PELI1: variants seen among roughly 807,000 people sequenced by gnomAD.
PELI1 encodes the protein E3 ubiquitin-protein ligase pellino homolog 1.
Under a neutral mutation model 41.3 loss-of-function variants are expected in PELI1, and 15 were observed. The ratio of observed to expected loss-of-function variants is 0.36; its 90% CI spans 0.24 to 0.56. The LOEUF (loss-of-function observed/expected upper bound fraction) is 0.56. PELI1 is among the 20% of genes least tolerant of loss of function. The pLI is 0.82. For synonymous variants in PELI1, 178 were observed against 180.1 expected (o/e 0.99, Z 0.09); for missense variants, 403 against 525.5 (o/e 0.77, Z 2.28).
chr2:64,132,262 A>G (rs975392256), intron 1 of PELI1, among the ~76,000 whole-genome samples: 2 of 152,190 alleles, frequency 1.3e-5, no homozygotes, highest in Non-Finnish European at 2.9e-5. Context: ...GAGCATTCCT[A>G]ATCTGAAAAT....
chr2:64,127,917 A>G (rs771723244), intron 1 of PELI1, among the ~76,000 whole-genome samples: 1 of 152,092 alleles, frequency 6.6e-6, no homozygotes, highest in Non-Finnish European at 1.5e-5. Context: ...TTTCCAATCA[A>G]CCATCTCAGA....
intron 1 of PELI1, among the ~76,000 whole-genome samples, chr2:64,128,742 C>T (rs1681465006): frequency 6.6e-6 from 1 of 152,150 alleles, no homozygotes; most frequent in Admixed American, 6.5e-5. Context: ...GAATTTCATG[C>T]AGATTTAAAT....
At chr2:64,097,826 A>G (rs1443298026) in intron 4 of PELI1, among the ~76,000 whole-genome samples, 1 of 152,230 alleles carries the variant, frequency 6.6e-6, no homozygotes, top group Non-Finnish European at 1.5e-5. Context: ...TGTCAAGTAT[A>G]AAGTCTTTTT....
rs1681066983 is a variant in PELI1 at position 64,118,238 on chromosome 2, CTT to C, written c.-69-9861_-69-9860del. Among the ~76,000 whole-genome samples the C allele has an allele frequency of 1.3e-5, 2 of 152,150 alleles. 1 individual carries two copies. The highest frequency in any genetic ancestry group is 6.3e-3 in the Middle Eastern group (2 of 316). The stretch of plus-strand genomic sequence containing the variant: ...TCTATGAATTCCCTCTTTATCCACT[CTT>C]GATTATTGTTATGTTAGCACATTAA... On this transcript the variant is annotated intron_variant, in intron 1 of 6. Coordinates refer to ENST00000358912, the MANE Select transcript of PELI1 (RefSeq NM_020651.4).
Position 64,095,104 on chromosome 2 carries a change from C to T in PELI1, c.855G>A (p.Gly285=), listed in dbSNP as rs1292867204. The T allele has an allele frequency of 6.2e-7, 1 of 1,614,136 alleles. No homozygotes were observed. Among genetic ancestry groups the T allele is most frequent in the East Asian group, 2.2e-5 (1 of 44,890 alleles). ...TACTAGGAAATGCTAGTGTGTTGAA[C>T]CCTACAGGGCACTGAGGTCGTGCTG... ...INAARPQCPV[G]FNTLAFPSMK... The change falls in exon 7 of 7, where the codon GGG becomes GGA. Residue 285 remains glycine (G), a synonymous_variant. Coordinates refer to ENST00000358912, the MANE Select transcript of PELI1 (RefSeq NM_020651.4).
At chr2:64,133,151 A>G (rs1256318391) in intron 1 of PELI1, among the ~76,000 whole-genome samples, 1 of 152,152 alleles carries the variant, frequency 6.6e-6, no homozygotes, top group Non-Finnish European at 1.5e-5. Context: ...GTTTCCATCA[A>G]ATTAGCACTA....
At chr2:64,106,900 T>C (rs1170368589) in intron 2 of PELI1, among the ~76,000 whole-genome samples, 2 of 152,094 alleles carry the variant, frequency 1.3e-5, no homozygotes, top group Non-Finnish European at 2.9e-5. Flanking sequence ...AGGGAAACAG[T>C]AGGGGGAAAA....
At chr2:64,135,705 A>AT (rs1491453126) in intron 1 of PELI1, among the ~76,000 whole-genome samples, 1 of 152,228 alleles carries the variant, frequency 6.6e-6, no homozygotes, top group Non-Finnish European at 1.5e-5. Context: ...ACAAAGCTTA[A>AT]TAGATTGAAT....
intron 1 of PELI1, among the ~76,000 whole-genome samples, chr2:64,126,465 C>T (rs1681389097): frequency 6.6e-6 from 1 of 152,116 alleles, no homozygotes; most frequent in African/African-American, 2.4e-5. Context: ...CCCAGCGGGT[C>T]TCCCTACTTT....
intron 1 of PELI1, among the ~76,000 whole-genome samples, chr2:64,108,882 G>A (rs1203445260): frequency 6.6e-6 from 1 of 152,148 alleles, no homozygotes; most frequent in Non-Finnish European, 1.5e-5. Context: ...AACAAGAAAG[G>A]GACAGCCTGG....
chr2:64,116,353 A>G (rs2103707294), intron 1 of PELI1, among the ~76,000 whole-genome samples: 1 of 152,364 alleles, frequency 6.6e-6, no homozygotes, highest in Non-Finnish European at 1.5e-5. Context: ...TCACAAAGCA[A>G]GACTAGAAAG....
intron 2 of PELI1, among the ~76,000 whole-genome samples, chr2:64,107,916 A>G (rs1344341397): frequency 6.6e-6 from 1 of 152,156 alleles, no homozygotes; most frequent in Non-Finnish European, 1.5e-5. Context: ...GGCCTCAGGT[A>G]ATCTGCCTGT....
chr2:64,128,315 A>G (rs1319024992), intron 1 of PELI1, among the ~76,000 whole-genome samples: 1 of 152,166 alleles, frequency 6.6e-6, no homozygotes, highest in Non-Finnish European at 1.5e-5. Context: ...ATTAGAAATA[A>G]CACTTTTACC....
chr2:64,100,320 G>T, intron 4 of PELI1, 78 bp downstream of exon 4: 2 of 754,008 alleles, frequency 2.7e-6, no homozygotes, highest in South Asian at 3.0e-5. Context: ...ATAATCCTCT[G>T]ACCTCAGCAA....
At position 64,095,211 on chromosome 2, in the gene PELI1, T is replaced by C; in HGVS notation, c.748A>G (p.Thr250Ala). 1.2e-6 allele frequency: 2 copies of C among 1,614,170 alleles called. No individual in the cohort carries two copies. Among genetic ancestry groups the C allele is most frequent in the Admixed American group, 1.7e-5 (1 of 60,024 alleles). Residue 250 changes from threonine to alanine, a missense_variant, in exon 7 of 7, where the codon ACA (threonine) becomes GCA (alanine). By Grantham distance (58) the Thr-to-Ala change is moderately conservative (BLOSUM62 0). Transcript: ENST00000358912. ...DGSLIDLCGATLLWRTAEGLS... is the reference protein window; with the variant it reads ...DGSLIDLCGAALLWRTAEGLS... Reference sequence around the variant, plus strand: ...CCTTCTGCAGTACGCCATAACAATGTTGCACCACAGAGGTCAATTAACGAG... The same window carrying C: ...CCTTCTGCAGTACGCCATAACAATGCTGCACCACAGAGGTCAATTAACGAG...
chr2:64,101,911 T>A (rs1421496755), intron 3 of PELI1, among the ~76,000 whole-genome samples: 1 of 144,624 alleles, frequency 6.9e-6, no homozygotes, highest in Admixed American at 7.1e-5. Flanking sequence ...CACTGTAACC[T>A]CCGCCTCCCA....
At position 64,096,218 on chromosome 2, in the gene PELI1, T is replaced by C; in HGVS notation, c.597A>G (p.Glu199=). The part of the protein sequence containing the change: ...LVMHPRNGFT[E]DSKPGIWREI... ...CTCTCCATATTCCAGGCTTGGAGTCTTCTGTGAACCCATTGCGTGGATGCA... is the reference window on the plus strand; with the variant it reads ...CTCTCCATATTCCAGGCTTGGAGTCCTCTGTGAACCCATTGCGTGGATGCA... Residue 199 remains glutamate, a synonymous_variant, in exon 6 of 7, where the codon GAA becomes GAG. Transcript: ENST00000358912. 6.8e-6 allele frequency: 11 copies of C among 1,613,920 alleles called. No homozygotes were observed. The highest frequency in any genetic ancestry group is 8.5e-6 in the Non-Finnish European group (10 of 1,179,758).
intron 1 of PELI1, among the ~76,000 whole-genome samples, chr2:64,120,550 G>A (rs1681173383): frequency 6.6e-6 from 1 of 152,192 alleles, no homozygotes; most frequent in African/African-American, 2.4e-5. Flanking sequence ...GCCCTAAAGT[G>A]TTCAACCCTT....
chr2:64,105,507 CAAAATA>C (rs1395657304), intron 2 of PELI1, among the ~76,000 whole-genome samples: 1 of 152,068 alleles, frequency 6.6e-6, no homozygotes, highest in African/African-American at 2.4e-5. Flanking sequence ...AAGTTAAAAA[CAAAATA>C]AAAATATTTG....
Sources: allele counts gnomAD v4.1 joint callset (sites outside exome capture counted in the v4.1 genomes callset), GRCh38; gene constraint gnomAD v4.1.1; transcripts MANE v1.5; gene names NCBI Gene and HGNC (gene_info 2026-07-23, HGNC 2026-07-21).